Variants in PPP2R3A observed in about 807,000 individuals in gnomAD.
PPP2R3A encodes protein phosphatase 2 regulatory subunit B''alpha, also known as serine/threonine-protein phosphatase 2A regulatory subunit B'' subunit alpha.
PPP2R3A carries 80 observed loss-of-function variants against 106.9 expected under a neutral mutation model. That is an observed-to-expected ratio of 0.75 (90% CI 0.62 to 0.90). The LOEUF is 0.90. Ranked by LOEUF, PPP2R3A falls within the 40% of genes least tolerant of loss-of-function variation. The probability of loss-of-function intolerance (pLI) is 0.00; values close to 1 mark genes in which losing one functional copy is unlikely to be tolerated. For missense variants in PPP2R3A, 1,386 were observed against 1,350.4 expected (o/e 1.03, Z -0.41); for synonymous variants, 483 against 468.3 (o/e 1.03, Z -0.41).
At chr3:135,977,039 A>G (rs1937437595) in intron 1 of PPP2R3A, among the ~76,000 whole-genome samples, 1 of 152,086 alleles carries the variant, frequency 6.6e-6, no homozygotes, top group Non-Finnish European at 1.5e-5. Flanking sequence ...TAGTTTTATA[A>G]TATTTTTTCT....
intron 6 of PPP2R3A, among the ~76,000 whole-genome samples, chr3:136,071,946 T>C (rs369615411): frequency 6.6e-6 from 1 of 152,056 alleles, no homozygotes; most frequent in South Asian, 2.1e-4. Context: ...ATCTGCTCGG[T>C]TCCCTTATTT....
At chr3:136,027,552 A>G (rs1393056047) in intron 3 of PPP2R3A, among the ~76,000 whole-genome samples, 8 of 152,136 alleles carry the variant, frequency 5.3e-5, no homozygotes, top group Admixed American at 5.2e-4. Flanking sequence ...AGTCTTTGGA[A>G]CTTTCAAATA....
In PPP2R3A at chr3:136,003,089, C is replaced by T. The variant is rs754294554; in HGVS notation, c.1591C>T (p.Leu531Phe). ...GATGGAGACCTCTCTAAGAGAGCCA[C>T]TTGCGAAGGGTAAAAACTCTAATTT... The part of the protein sequence containing the change: ...QKMETSLREP[L>F]AKGKNSNFLN... The change falls in exon 2 of 14, where the codon CTT becomes TTT. Residue 531 changes from leucine to phenylalanine, a missense_variant. By Grantham distance (22) the Leu-to-Phe change is conservative. Coordinates refer to ENST00000264977, the MANE Select transcript of PPP2R3A (RefSeq NM_002718.5). 1.9e-6 allele frequency: 3 copies of T among 1,610,886 alleles called. No individual in the cohort carries two copies. Among genetic ancestry groups the T allele is most frequent in the East Asian group, 4.5e-5 (2 of 44,870 alleles).
At position 136,026,924 on chromosome 3, in the gene PPP2R3A, T is replaced by C. The variant is rs35279847; in HGVS notation, c.2088T>C (p.His696=). ...SSPRPLSPVP[H]VNNVVNAPLS... Reference sequence around the variant, plus strand: ...CCCGACCTCTCTCCCCGGTTCCCCATGTGAATAATGTTGTGAATGCGCCAT... The same window carrying C: ...CCCGACCTCTCTCCCCGGTTCCCCACGTGAATAATGTTGTGAATGCGCCAT... Residue 696 remains histidine (H), a synonymous_variant, in exon 3 of 14, where the codon CAT becomes CAC. Transcript: ENST00000264977. 5,957 of 1,613,688 alleles carry C rather than the reference T, an allele frequency of 3.7e-3. 96 individuals are homozygous for C. The highest frequency in any genetic ancestry group is 0.034 in the African/African-American group (2,545 of 75,010).
chr3:135,968,582 G>A (rs1937156894), intron 1 of PPP2R3A, among the ~76,000 whole-genome samples: 1 of 152,148 alleles, frequency 6.6e-6, no homozygotes, highest in African/African-American at 2.4e-5. Flanking sequence ...TGTCCACTAA[G>A]CAGTGGTTCT....
At chr3:135,997,882 T>G (rs1227315114) in intron 1 of PPP2R3A, among the ~76,000 whole-genome samples, 1 of 152,214 alleles carries the variant, frequency 6.6e-6, no homozygotes, top group Non-Finnish European at 1.5e-5. Context: ...AACCTCCTAA[T>G]CGATTTCTAG....
At chr3:136,123,269 A>G (rs74656356) in intron 13 of PPP2R3A, among the ~76,000 whole-genome samples, 12,512 of 152,222 alleles carry the variant, frequency 0.082, 656 homozygotes, top group African/African-American at 0.15. Context: ...TATATTATTC[A>G]CGTCAAAACA....
intron 3 of PPP2R3A, among the ~76,000 whole-genome samples, chr3:136,037,559 C>A (rs1320078570): frequency 6.6e-6 from 1 of 152,208 alleles, no homozygotes; most frequent in East Asian, 1.9e-4. Flanking sequence ...CTTTACCCAT[C>A]ACACCTGTGG....
At chr3:136,087,243 G>GTCTCTCTC (rs1491461536) in intron 8 of PPP2R3A, among the ~76,000 whole-genome samples, 44 of 75,104 alleles carry the variant, frequency 5.9e-4, no homozygotes, top group Non-Finnish European at 9.6e-4. Flanking sequence ...GTCTCTAGTC[G>GTCTCTCTC]TGTCTCTCTC....
intron 1 of PPP2R3A, among the ~76,000 whole-genome samples, chr3:136,000,339 A>G (rs1933573425): frequency 6.6e-6 from 1 of 152,216 alleles, no homozygotes; most frequent in African/African-American, 2.4e-5. Flanking sequence ...GACGGAATAA[A>G]TACATTGACA....
At chr3:136,039,388 G>A (rs148766983) in intron 3 of PPP2R3A, among the ~76,000 whole-genome samples, 274 of 152,272 alleles carry the variant, frequency 1.8e-3, no homozygotes, top group African/African-American at 6.2e-3. Context: ...TAATAGTAAC[G>A]ATTGTATTAT....
At chr3:136,135,667 T>C (rs897481364) in intron 13 of PPP2R3A, among the ~76,000 whole-genome samples, 2 of 152,148 alleles carry the variant, frequency 1.3e-5, no homozygotes, top group East Asian at 1.9e-4. Flanking sequence ...CCTGAGGTGG[T>C]TGTGAGAATC....
rs1351430512 is a variant in PPP2R3A, at chr3:136,103,322, T to C, written c.3168T>C (p.Phe1056=). The C allele has an allele frequency of 6.2e-7, 1 of 1,611,264 alleles. No homozygotes were observed. Among genetic ancestry groups the C allele is most frequent in the East Asian group, 2.2e-5 (1 of 44,838 alleles). The change falls in exon 12 of 14, where the codon TTT becomes TTC. Residue 1056 remains phenylalanine (F), a synonymous_variant. Coordinates refer to ENST00000264977, the MANE Select transcript of PPP2R3A (RefSeq NM_002718.5). ...CTCACATCTTCTATGACACTTTCTT[T>C]AATCTGGAGAAATACTTAGACCATG... The part of the protein sequence containing the change: ...RMAHIFYDTF[F]NLEKYLDHEQ...
intron 5 of PPP2R3A, among the ~76,000 whole-genome samples, chr3:136,066,553 G>A (rs1936266826): frequency 6.6e-6 from 1 of 152,158 alleles, no homozygotes; most frequent in African/African-American, 2.4e-5. Context: ...TTACAGTTCT[G>A]CAGGCTTTAC....
chr3:136,091,845 T>C (rs1028765999), intron 10 of PPP2R3A, among the ~76,000 whole-genome samples: 8 of 152,202 alleles, frequency 5.3e-5, no homozygotes, highest in South Asian at 2.1e-4. Flanking sequence ...CTTTTTCATA[T>C]ACCAGCAGAG....
At position 136,066,187 on chromosome 3, in the gene PPP2R3A, C is replaced by T. The variant is rs142487341; in HGVS notation, c.2470-4291C>T. Among the ~76,000 whole-genome samples, 76 of 152,234 alleles carry T rather than the reference C, an allele frequency of 5.0e-4. No homozygotes were observed. In the East Asian group the frequency reaches 0.011, roughly 23 times the overall value. ...AAAGCACAAAGCCCAGGTAGTTTTACAGGGGAATTCTGCCAAACCTTCAAC... is the reference window on the plus strand; with the variant it reads ...AAAGCACAAAGCCCAGGTAGTTTTATAGGGGAATTCTGCCAAACCTTCAAC... On this transcript the variant is annotated intron_variant, in intron 5 of 13. Transcript: ENST00000264977.
chr3:136,010,500 C>T (rs1385210838), intron 2 of PPP2R3A, among the ~76,000 whole-genome samples: 1 of 139,192 alleles, frequency 7.2e-6, no homozygotes, highest in Non-Finnish European at 1.5e-5. Context: ...GATCTCGGCT[C>T]ACTGCAAGCT....
At chr3:136,106,193 G>T (rs1463302482) in intron 12 of PPP2R3A, 23 bp from the exon 13 acceptor site, 24 of 1,579,280 alleles carry the variant, frequency 1.5e-5, no homozygotes, top group Non-Finnish European at 2.0e-5. Context: ...TTTATTTCTC[G>T]TGGCTGTCTT....
intron 13 of PPP2R3A, among the ~76,000 whole-genome samples, chr3:136,132,651 G>A (rs1158362009): frequency 6.6e-6 from 1 of 151,870 alleles, no homozygotes; most frequent in African/African-American, 2.4e-5. Flanking sequence ...AAGATTAGAA[G>A]GCTCAGCGTT....
Sources: allele counts gnomAD v4.1 joint callset (sites outside exome capture counted in the v4.1 genomes callset), GRCh38; gene constraint gnomAD v4.1.1; transcripts MANE v1.5; gene names NCBI Gene and HGNC (gene_info 2026-07-23, HGNC 2026-07-21).